The following TMEM248 variants were observed in gnomAD, a reference collection of about 807,000 sequenced individuals.
The protein encoded by TMEM248 is UPF0458 protein C7orf42.
TMEM248 carries 9 observed loss-of-function variants against 30.3 expected under a neutral mutation model. The ratio of observed to expected loss-of-function variants is 0.30; its 90% CI spans 0.18 to 0.52. The LOEUF is 0.52. Ranked by LOEUF, TMEM248 falls within the 20% of genes least tolerant of loss-of-function variation. The pLI is 0.97. For missense variants in TMEM248, 338 were observed against 403.3 expected (o/e 0.84, Z 1.39); for synonymous variants, 184 against 154.4 (o/e 1.19, Z -1.42).
At chr7:66,941,785 A>G (rs1791966396) in intron 1 of TMEM248, 63 bp from the exon 2 acceptor site, 2 of 1,465,136 alleles carry the variant, frequency 1.4e-6, no homozygotes, top group Non-Finnish European at 1.8e-6. Flanking sequence ...AAAAGGAAAC[A>G]AAAGAATCAT....
At chr7:66,922,745 G>A (rs554281859) in intron 1 of TMEM248, among the ~76,000 whole-genome samples, 1 of 151,980 alleles carries the variant, frequency 6.6e-6, no homozygotes, top group Admixed American at 6.6e-5. Context: ...CACTCTTGTC[G>A]CCCAGGCTGG....
At chr7:66,921,775 G>C (rs1277907358) in intron 1 of TMEM248, 3 of 152,234 alleles carry the variant, frequency 2.0e-5, no homozygotes, top group Non-Finnish European at 4.4e-5. Flanking sequence ...AAACATCTTG[G>C]TCGTTTGCCA....
In TMEM248 at chr7:66,955,585, A is replaced by C; in HGVS notation, c.*63A>C. ...ACCATAATCCTTGCCTGCTGAACCCAGCCTGGGCCTGGATGCTCTGTGAAT... is the reference window on the plus strand; with the variant it reads ...ACCATAATCCTTGCCTGCTGAACCCCGCCTGGGCCTGGATGCTCTGTGAAT... On this transcript the variant is annotated 3_prime_UTR_variant, in exon 7 of 7. Coordinates refer to ENST00000341567, the MANE Select transcript of TMEM248 (RefSeq NM_017994.5). The C allele has an allele frequency of 6.2e-7, 1 of 1,600,418 alleles. No homozygotes were observed. The highest frequency in any genetic ancestry group is 8.5e-7 in the Non-Finnish European group (1 of 1,169,826).
rs113848975 is a variant in TMEM248, at chr7:66,940,396, A to G, written c.-18-1452A>G. ...GAATAAACTTAATAAAAGAAGTGCA[A>G]ACGTTAACACTGAAAACAGAAAACA... On this transcript the variant is annotated intron_variant, in intron 1 of 6. Coordinates refer to ENST00000341567, the MANE Select transcript of TMEM248 (RefSeq NM_017994.5). Among the ~76,000 whole-genome samples the G allele has an allele frequency of 1.3e-3, 194 of 152,324 alleles. 1 individual carries two copies. Among genetic ancestry groups the G allele is most frequent in the African/African-American group, 4.5e-3 (187 of 41,576 alleles).
chr7:66,956,381 C>G lies in TMEM248; in HGVS notation c.*859C>G, dbSNP rs886316279. 1 of 152,160 alleles carries G rather than the reference C, an allele frequency of 6.6e-6. No homozygotes were observed. Among genetic ancestry groups the G allele is most frequent in the Non-Finnish European group, 1.5e-5 (1 of 68,038 alleles). The allele number at this position is 152,160 out of a possible 1,614,324, so 9.4% of individuals were successfully genotyped here. ...CAAAAGGGCTTCAAAATGTAAATGG[C>G]TCTAGAGTTAGAGTGACTGTTTGCT... On this transcript the variant is annotated 3_prime_UTR_variant, in exon 7 of 7. Transcript: ENST00000341567.
intron 2 of TMEM248, among the ~76,000 whole-genome samples, 181 bp downstream of exon 2, chr7:66,942,205 G>T (rs115233580): frequency 1.3e-5 from 2 of 152,304 alleles, no homozygotes; most frequent in African/African-American, 4.8e-5. Flanking sequence ...GAAATACCTA[G>T]ATGGGTATTG....
In TMEM248 at chr7:66,922,861, A is replaced by G. The variant is rs531518282; in HGVS notation, c.-19+1400A>G. On this transcript the variant is annotated intron_variant, in intron 1 of 6. Coordinates refer to ENST00000341567, the MANE Select transcript of TMEM248 (RefSeq NM_017994.5). ...GCTGGGATTACAGGTGCCCGCCACC[A>G]TGCCCAGCTAATTTTTGTATTTTTA... Among the ~76,000 whole-genome samples the G allele has an allele frequency of 1.8e-4, 27 of 152,114 alleles. 1 individual carries two copies. In the South Asian group the frequency reaches 3.7e-3, roughly 21 times the overall value.
intron 3 of TMEM248, 52 bp from the exon 4 acceptor site, chr7:66,948,492 A>G: frequency 6.3e-7 from 1 of 1,575,444 alleles, no homozygotes; most frequent in Non-Finnish European, 8.6e-7. Context: ...ATCCCAGAGA[A>G]TGACAAGTAC....
chr7:66,940,572 T>G (rs1791920914), intron 1 of TMEM248, among the ~76,000 whole-genome samples: 1 of 152,156 alleles, frequency 6.6e-6, no homozygotes, highest in Non-Finnish European at 1.5e-5. Context: ...CTTGCAGACA[T>G]TGACAAGATG....
At chr7:66,922,269 G>A (rs1791405554) in intron 1 of TMEM248, 1 of 152,226 alleles carries the variant, frequency 6.6e-6, no homozygotes, top group African/African-American at 2.4e-5. Context: ...GGGAGGGAAT[G>A]GGAAGAAAAA....
chr7:66,948,432 C>T (rs1366115592), intron 3 of TMEM248, 112 bp from the exon 4 acceptor site: 1 of 1,313,436 alleles, frequency 7.6e-7, no homozygotes, highest in African/African-American at 1.5e-5. Flanking sequence ...AGGCAGGTGC[C>T]TGGGCTGATA....
chr7:66,951,195 T>A, intron 5 of TMEM248, 60 bp downstream of exon 5: 1 of 1,453,332 alleles, frequency 6.9e-7, no homozygotes, highest in Non-Finnish European at 9.1e-7. Flanking sequence ...TGTGTGCGCA[T>A]GTGCTGCAAC....
intron 1 of TMEM248, among the ~76,000 whole-genome samples, chr7:66,933,285 TCAGCCCCCCA>T (rs1791716314): frequency 6.6e-6 from 1 of 152,206 alleles, no homozygotes; most frequent in Non-Finnish European, 1.5e-5. Context: ...TCCTCCTGCC[TCAGCCCCCCA>T]CGTAGCTGGG....
intron 1 of TMEM248, among the ~76,000 whole-genome samples, chr7:66,934,424 C>T (rs912990643): frequency 1.3e-5 from 2 of 152,278 alleles, no homozygotes; most frequent in South Asian, 2.1e-4. Flanking sequence ...AGATCTCGAA[C>T]GCCTGACCTC....
intron 1 of TMEM248, among the ~76,000 whole-genome samples, chr7:66,937,068 C>T (rs1791824766): frequency 6.6e-6 from 1 of 152,040 alleles, no homozygotes; most frequent in African/African-American, 2.4e-5. Flanking sequence ...AAACTTTCCT[C>T]TTAGTATTGC....
intron 4 of TMEM248, 49 bp downstream of exon 4, chr7:66,948,743 C>A: frequency 6.3e-7 from 1 of 1,575,454 alleles, no homozygotes; most frequent in South Asian, 1.1e-5. Context: ...CTCCACTTGC[C>A]GTGAGTACGG....
At chr7:66,941,144 G>T (rs550814620) in intron 1 of TMEM248, among the ~76,000 whole-genome samples, 3 of 151,758 alleles carry the variant, frequency 2.0e-5, no homozygotes, top group South Asian at 2.1e-4. Context: ...GCACTTTGGG[G>T]GGCCAAGGCA....
Position 66,951,058 on chromosome 7 carries a change from C to A in TMEM248, c.703C>A (p.Pro235Thr), listed in dbSNP as rs868859750. 1.9e-6 allele frequency: 3 copies of A among 1,612,828 alleles called. No homozygotes were observed. Among genetic ancestry groups the A allele is most frequent in the Non-Finnish European group, 1.7e-6 (2 of 1,179,702 alleles). ...ANTKYAQDYN[P>T]FWCYKGAIGK... is the part of the protein sequence containing the mutation. ...CACAAAATACGCCCAAGATTACAAT[C>A]CTTTCTGGTGTTATAAGGGGGCCAT... is the stretch of plus-strand genomic sequence containing the variant. Residue 235 changes from proline (P) to threonine (T), a missense_variant, in exon 5 of 7, where the codon CCT (proline) becomes ACT (threonine). Physicochemically the swap from Pro to Thr is conservative, Grantham distance 38. Coordinates refer to ENST00000341567, the MANE Select transcript of TMEM248 (RefSeq NM_017994.5).
In TMEM248 at chr7:66,938,197, A is replaced by G. The variant is rs576792400; in HGVS notation, c.-18-3651A>G. On this transcript the variant is annotated intron_variant, in intron 1 of 6. Coordinates refer to ENST00000341567, the MANE Select transcript of TMEM248 (RefSeq NM_017994.5). The stretch of plus-strand genomic sequence containing the variant: ...TGATAAGTAAGGATTTACTCCTGCC[A>G]TTTTGTTAGTTGTTTTTTGGTTGTT... Among the ~76,000 whole-genome samples, 22 of 151,954 alleles carry G rather than the reference A, an allele frequency of 1.4e-4. 1 individual carries two copies. The South Asian group carries it at 4.6e-3, about 32-fold the overall frequency.
Sources: allele counts gnomAD v4.1 joint callset (sites outside exome capture counted in the v4.1 genomes callset), GRCh38; gene constraint gnomAD v4.1.1; transcripts MANE v1.5; gene names NCBI Gene and HGNC (gene_info 2026-07-23, HGNC 2026-07-21).